The following MTA3 variants were observed in gnomAD, a reference collection of about 807,000 sequenced individuals.
The protein encoded by MTA3 is metastasis-associated protein MTA3.
Under a neutral mutation model 83.5 loss-of-function variants are expected in MTA3, and 34 were observed. That is an observed-to-expected ratio of 0.41 (90% CI 0.31 to 0.54). MTA3 has a LOEUF of 0.54. Ranked by LOEUF, MTA3 falls within the 20% of genes least tolerant of loss-of-function variation. The probability of loss-of-function intolerance (pLI) is 0.33; values close to 1 mark genes in which losing one functional copy is unlikely to be tolerated. For missense variants in MTA3, 761 were observed against 726.4 expected (o/e 1.05, Z -0.55); for synonymous variants, 303 against 252.7 (o/e 1.20, Z -1.89).
In MTA3 at chr2:42,753,951, G is replaced by GT. The variant is rs1413256298; in HGVS notation, c.*559dup. The GT allele has an allele frequency of 2.0e-6, 2 of 985,690 alleles. No individual in the cohort carries two copies. Among genetic ancestry groups the GT allele is most frequent in the East Asian group, 1.1e-4 (1 of 8,836 alleles). 61.1% of individuals were successfully genotyped at this position (985,690 alleles called of 1,614,324 possible). ...CTTTTTCTCGATAGGCTTCATCCTT[G>GT]TTTTTTTGAAATGGGGGAATTTGCT... On this transcript the variant is annotated 3_prime_UTR_variant, in exon 17 of 17. Transcript: ENST00000405094.
intron 16 of MTA3, among the ~76,000 whole-genome samples, chr2:42,739,644 G>A (rs6747950): frequency 0.51 from 77,784 of 151,976 alleles, 20,203 homozygotes; most frequent in South Asian, 0.65. Context: ...TTTCACGAAA[G>A]ATTTCTTTGT....
At chr2:42,621,643 G>C (rs1420534665) in intron 4 of MTA3, among the ~76,000 whole-genome samples, 3 of 152,178 alleles carry the variant, frequency 2.0e-5, no homozygotes, top group Non-Finnish European at 4.4e-5. Context: ...TGAGCTGTTG[G>C]GTACACCTCC....
At chr2:42,655,689 A>G (rs574046533) in intron 6 of MTA3, among the ~76,000 whole-genome samples, 7 of 152,130 alleles carry the variant, frequency 4.6e-5, no homozygotes, top group Admixed American at 6.5e-5. Flanking sequence ...TGCAACCTCT[A>G]CCTTCCGGGT....
At chr2:42,606,434 A>G (rs1197196116) in intron 3 of MTA3, among the ~76,000 whole-genome samples, 3 of 147,674 alleles carry the variant, frequency 2.0e-5, no homozygotes, top group African/African-American at 5.1e-5. Flanking sequence ...GCGGCGGGGC[A>G]GAGGCGCTCC....
At position 42,742,949 on chromosome 2, in the gene MTA3, A is replaced by G. The variant is rs140645944; in HGVS notation, c.1760-10425A>G. Among the ~76,000 whole-genome samples, 599 of 152,322 alleles carry G rather than the reference A, an allele frequency of 3.9e-3. 6 individuals carry two copies. Among genetic ancestry groups the G allele is most frequent in the African/African-American group, 0.014 (581 of 41,578 alleles). ...TTACAGGGCCCCTGTATCTATAAAG[A>G]GGAACTACCCTTGGATTAAGTTATT... On this transcript the variant is annotated intron_variant, in intron 16 of 16. Coordinates refer to ENST00000405094, the MANE Select transcript of MTA3 (RefSeq NM_001330442.2).
At chr2:42,721,741 C>T (rs1357249813) in intron 15 of MTA3, among the ~76,000 whole-genome samples, 2 of 152,140 alleles carry the variant, frequency 1.3e-5, no homozygotes, top group African/African-American at 2.4e-5. Flanking sequence ...ATAGGAAAAG[C>T]GTATTCTCTT....
intron 3 of MTA3, among the ~76,000 whole-genome samples, chr2:42,588,506 TC>T (rs1680597059): frequency 6.6e-6 from 1 of 152,194 alleles, no homozygotes; most frequent in Admixed American, 6.6e-5. Context: ...AGCTGACAAT[TC>T]AATTAGGTCT....
intron 9 of MTA3, among the ~76,000 whole-genome samples, chr2:42,683,170 G>C (rs994501348): frequency 4.6e-5 from 7 of 152,182 alleles, no homozygotes; most frequent in Non-Finnish European, 8.8e-5. Flanking sequence ...ACTTCTCTCT[G>C]AGTTCCAAGT....
chr2:42,607,323 T>C (rs1683599269), intron 3 of MTA3, among the ~76,000 whole-genome samples: 1 of 152,138 alleles, frequency 6.6e-6, no homozygotes, highest in African/African-American at 2.4e-5. Context: ...AGTCTCCCGC[T>C]GGAGATTGGT....
intron 16 of MTA3, among the ~76,000 whole-genome samples, chr2:42,745,095 T>G (rs540945750): frequency 6.6e-6 from 1 of 152,242 alleles, no homozygotes; most frequent in Non-Finnish European, 1.5e-5. Context: ...TGAGTTATAA[T>G]CTATGCATTT....
chr2:42,642,177 C>T (rs1454773024), intron 5 of MTA3, among the ~76,000 whole-genome samples: 1 of 152,068 alleles, frequency 6.6e-6, no homozygotes, highest in Non-Finnish European at 1.5e-5. Context: ...CTATTATAAA[C>T]CAAACATATT....
intron 8 of MTA3, among the ~76,000 whole-genome samples, chr2:42,674,104 A>G (rs1168949785): frequency 6.6e-6 from 1 of 152,206 alleles, no homozygotes; most frequent in African/African-American, 2.4e-5. Flanking sequence ...CTCATCCTCC[A>G]TGGACAAAAC....
intron 3 of MTA3, among the ~76,000 whole-genome samples, chr2:42,591,736 C>T (rs926025307): frequency 9.2e-5 from 14 of 151,954 alleles, no homozygotes; most frequent in Admixed American, 4.6e-4. Context: ...CTGCAATCTC[C>T]GCCTTCCAGG....
At chr2:42,709,472 C>T (rs1049677186) in intron 14 of MTA3, 5 of 283,314 alleles carry the variant, frequency 1.8e-5, no homozygotes, top group Non-Finnish European at 3.1e-5. Context: ...AATGAGACTC[C>T]ATAATCGAGA....
intron 4 of MTA3, among the ~76,000 whole-genome samples, chr2:42,620,267 C>T (rs1473811757): frequency 6.6e-6 from 1 of 152,000 alleles, no homozygotes; most frequent in Non-Finnish European, 1.5e-5. Flanking sequence ...TACAGATGTG[C>T]ACTGCCACGC....
chr2:42,687,723 G>A (rs377462180), intron 9 of MTA3, among the ~76,000 whole-genome samples: 16 of 152,322 alleles, frequency 1.1e-4, no homozygotes, highest in Admixed American at 3.3e-4. Context: ...GGTGGGCCAT[G>A]AGAAATTCTA....
chr2:42,557,346 C>T (rs1677446848), intron 2 of MTA3, among the ~76,000 whole-genome samples: 1 of 138,816 alleles, frequency 7.2e-6, no homozygotes, highest in Non-Finnish European at 1.5e-5. Context: ...CTTCATTGTT[C>T]TAGAAGCCTG....
chr2:42,590,985 G>A (rs1283549956), intron 3 of MTA3, among the ~76,000 whole-genome samples: 3 of 152,010 alleles, frequency 2.0e-5, no homozygotes, highest in Non-Finnish European at 4.4e-5. Context: ...ATTTTTCATC[G>A]TTTGCTACTG....
At chr2:42,605,207 G>C (rs1357354906) in intron 3 of MTA3, among the ~76,000 whole-genome samples, 1 of 86,908 alleles carries the variant, frequency 1.2e-5, no homozygotes, top group Non-Finnish European at 2.4e-5. Context: ...CTGGCCGGGC[G>C]GGGGGGCTGA....
Sources: allele counts gnomAD v4.1 joint callset (sites outside exome capture counted in the v4.1 genomes callset), GRCh38; gene constraint gnomAD v4.1.1; transcripts MANE v1.5; gene names NCBI Gene and HGNC (gene_info 2026-07-23, HGNC 2026-07-21).